The following TIMD4 variants were observed in gnomAD, a reference collection of about 807,000 sequenced individuals.
The protein encoded by TIMD4 is T cell immunoglobulin and mucin domain containing 4.
TIMD4 carries 31 observed loss-of-function variants against 41.2 expected under a neutral mutation model. That is an observed-to-expected ratio of 0.75 (90% CI 0.57 to 1.01). The LOEUF is 1.01. Among genes scored for constraint, TIMD4 ranks in the 50% least tolerant of loss-of-function variants. TIMD4 has a pLI of 0.00. For synonymous variants in TIMD4, 204 were observed against 177.1 expected (o/e 1.15, Z -1.21); for missense variants, 479 against 472.5 (o/e 1.01, Z -0.13).
chr5:156,954,479 G>A lies in TIMD4; in HGVS notation c.336C>T (p.Cys112=), dbSNP rs373602957. ...TGAACCAGCCAGGCACTTCTATGCGGCAGCAGTACACACCGCTGTCACTTT... is the reference window on the plus strand; with the variant it reads ...TGAACCAGCCAGGCACTTCTATGCGACAGCAGTACACACCGCTGTCACTTT... ...PSESDSGVYC[C]RIEVPGWFND... is the part of the protein sequence containing the mutation. The change falls in exon 2 of 9, where the codon TGC becomes TGT. Residue 112 remains cysteine (C), a synonymous_variant. Transcript: ENST00000274532. The A allele has an allele frequency of 1.2e-6, 2 of 1,614,104 alleles. No individual in the cohort carries two copies. Among genetic ancestry groups the A allele is most frequent in the African/African-American group, 2.7e-5 (2 of 74,930 alleles).
At chr5:156,960,546 A>G (rs545020003) in intron 1 of TIMD4, among the ~76,000 whole-genome samples, 28 of 151,778 alleles carry the variant, frequency 1.8e-4, no homozygotes, top group Non-Finnish European at 3.7e-4. Context: ...AGCTGGGATT[A>G]CAGGCACATG....
At chr5:156,936,403 T>C (rs1362303688) in intron 5 of TIMD4, among the ~76,000 whole-genome samples, 1 of 152,182 alleles carries the variant, frequency 6.6e-6, no homozygotes, top group Non-Finnish European at 1.5e-5. Flanking sequence ...GTACTTCTCA[T>C]GTTCTTAGTT....
intron 3 of TIMD4, among the ~76,000 whole-genome samples, 191 bp from the exon 4 acceptor site, chr5:156,949,922 A>T (rs1315444493): frequency 2.6e-5 from 4 of 152,064 alleles, no homozygotes; most frequent in Non-Finnish European, 4.4e-5. Context: ...GATTCAAGAG[A>T]TTCTCCTGCC....
At chr5:156,959,432 A>C (rs1162938538) in intron 1 of TIMD4, among the ~76,000 whole-genome samples, 1 of 152,194 alleles carries the variant, frequency 6.6e-6, no homozygotes, top group Non-Finnish European at 1.5e-5. Context: ...CGCGTAACAA[A>C]GGACATTAGA....
chr5:156,954,331 C>A, intron 2 of TIMD4, 84 bp downstream of exon 2: 4 of 1,338,976 alleles, frequency 3.0e-6, no homozygotes, highest in Non-Finnish European at 4.1e-6. Context: ...CAACTCTAAC[C>A]TCTTCACCAC....
chr5:156,921,616 C>CAAAAAAAAAAAAAAAA (rs66842169), intron 7 of TIMD4, among the ~76,000 whole-genome samples: 4 of 47,268 alleles, frequency 8.5e-5, no homozygotes, highest in Middle Eastern at 0.015. Context: ...GAGACTCTCT[C>CAAAAAAAAAAAAAAAA]AAAAAAAAAA....
chr5:156,941,695 G>A (rs1339258798), intron 5 of TIMD4, among the ~76,000 whole-genome samples: 3 of 152,170 alleles, frequency 2.0e-5, no homozygotes, highest in Admixed American at 2.0e-4. Flanking sequence ...CTAAAGGATG[G>A]TTTGTTATGC....
At chr5:156,949,806 G>A in intron 3 of TIMD4, 75 bp from the exon 4 acceptor site, 1 of 902,432 alleles carries the variant, frequency 1.1e-6, no homozygotes, top group South Asian at 1.4e-5. Context: ...TGGGATTTGG[G>A]ATTATCTTTT....
At chr5:156,948,322 TAC>T in intron 5 of TIMD4, 92 bp downstream of exon 5, 2 of 616,536 alleles carry the variant, frequency 3.2e-6, no homozygotes, top group Non-Finnish European at 4.1e-6. Context: ...AACTCATCTC[TAC>T]AAAAAAAAAA....
intron 5 of TIMD4, among the ~76,000 whole-genome samples, chr5:156,942,241 C>G (rs207466508): frequency 6.6e-6 from 1 of 152,158 alleles, no homozygotes. Context: ...AGTGAAACCT[C>G]ATATGTAAAT....
At chr5:156,923,952 C>T (rs555408493) in intron 6 of TIMD4, among the ~76,000 whole-genome samples, 1 of 152,200 alleles carries the variant, frequency 6.6e-6, no homozygotes, top group African/African-American at 2.4e-5. Context: ...ATCCTCCCAC[C>T]CCAGCCTCCC....
At chr5:156,920,567 G>A in intron 7 of TIMD4, 64 bp from the exon 8 acceptor site, 1 of 1,560,186 alleles carries the variant, frequency 6.4e-7, no homozygotes, top group Non-Finnish European at 8.8e-7. Flanking sequence ...CAAAATGCTG[G>A]GGGAATTCCA....
chr5:156,941,898 C>G (rs1311536315), intron 5 of TIMD4, among the ~76,000 whole-genome samples: 3 of 152,158 alleles, frequency 2.0e-5, no homozygotes, highest in Non-Finnish European at 2.9e-5. Flanking sequence ...TCTGAGCATG[C>G]CTTAACTCCA....
intron 2 of TIMD4, among the ~76,000 whole-genome samples, chr5:156,953,712 C>T (rs1759908898): frequency 6.8e-6 from 1 of 146,714 alleles, no homozygotes. Flanking sequence ...AGATTCCTGT[C>T]TTCCAAAGTG....
chr5:156,934,608 T>TGTTCATAAACCCATTTTAC (rs1314024723), intron 5 of TIMD4, among the ~76,000 whole-genome samples: 1 of 152,122 alleles, frequency 6.6e-6, no homozygotes, highest in African/African-American at 2.4e-5. Context: ...TCACATTTAA[T>TGTTCATAAACCCATTTTAC]GTTCATAAAC....
intron 5 of TIMD4, chr5:156,935,678 A>G (rs1759525890): frequency 6.6e-6 from 1 of 152,206 alleles, no homozygotes; most frequent in Non-Finnish European, 1.5e-5. Context: ...CTAGAACACC[A>G]TTGTTCAAGA....
At chr5:156,936,596 T>G (rs1355968031) in intron 5 of TIMD4, among the ~76,000 whole-genome samples, 1 of 151,916 alleles carries the variant, frequency 6.6e-6, no homozygotes, top group Admixed American at 6.6e-5. Flanking sequence ...CTCTATGGAC[T>G]TTGGAAAATG....
chr5:156,963,063 C>G, intron 1 of TIMD4, 78 bp downstream of exon 1: 1 of 1,459,756 alleles, frequency 6.9e-7, no homozygotes, highest in Non-Finnish European at 9.6e-7. Context: ...CACTGAGGCC[C>G]AAACCAGTGC....
rs147201074 is a variant in TIMD4 at position 156,933,263 on chromosome 5, T to C, written c.845-6951A>G. 2.1e-4 allele frequency among the ~76,000 whole-genome samples: 32 copies of C among 152,206 alleles called. 2 individuals are homozygous for C. The East Asian group carries it at 6.0e-3, about 29-fold the overall frequency. The stretch of plus-strand genomic sequence containing the variant: ...CAAGGGTGGTGACTCATGCCTGTAA[T>C]TCTAGCACTTTGGGAGGCCAAGGTG... On this transcript the variant is annotated intron_variant, in intron 5 of 8. Coordinates refer to ENST00000274532, the MANE Select transcript of TIMD4 (RefSeq NM_138379.3).
Sources: allele counts gnomAD v4.1 joint callset (sites outside exome capture counted in the v4.1 genomes callset), GRCh38; gene constraint gnomAD v4.1.1; transcripts MANE v1.5; gene names NCBI Gene and HGNC (gene_info 2026-07-23, HGNC 2026-07-21).